The following FILIP1 variants were observed in gnomAD, a reference collection of about 807,000 sequenced individuals.
FILIP1 encodes the protein filamin A interacting protein 1, also known as filamin-A-interacting protein 1.
Under a neutral mutation model 102.1 loss-of-function variants are expected in FILIP1, and 61 were observed. That is an observed-to-expected ratio of 0.60 (90% CI 0.49 to 0.74). The LOEUF is 0.74. Among genes scored for constraint, FILIP1 ranks in the 30% least tolerant of loss-of-function variants. The probability of loss-of-function intolerance (pLI) is 0.00; values close to 1 mark genes in which losing one functional copy is unlikely to be tolerated. For missense variants in FILIP1, 1,314 were observed against 1,441.2 expected, an observed-to-expected ratio of 0.91 and a Z score of 1.43; for synonymous variants, 491 against 526.9, an observed-to-expected ratio of 0.93 and a Z score of 0.93.
intron 1 of FILIP1, among the ~76,000 whole-genome samples, chr6:75,437,258 T>C (rs1269092550): frequency 6.6e-6 from 1 of 152,148 alleles, no homozygotes; most frequent in Non-Finnish European, 1.5e-5. Context: ...CAGAAGGAAA[T>C]AATTTGTCTT....
At chr6:75,458,058 CA>C (rs917226590) in intron 1 of FILIP1, 4 of 152,084 alleles carry the variant, frequency 2.6e-5, no homozygotes, top group Non-Finnish European at 4.4e-5. Context: ...AGACAAAAAA[CA>C]AGCAAGTTTT....
intron 1 of FILIP1, among the ~76,000 whole-genome samples, chr6:75,483,043 T>C (rs1779687921): frequency 6.7e-6 from 1 of 148,236 alleles, no homozygotes; most frequent in African/African-American, 2.4e-5. Context: ...AAAAAAAAAA[T>C]CTGTGCTACA....
intron 4 of FILIP1, among the ~76,000 whole-genome samples, chr6:75,320,307 A>G (rs1390490762): frequency 1.3e-5 from 2 of 152,228 alleles, no homozygotes; most frequent in African/African-American, 4.8e-5. Flanking sequence ...CTGTAATCCC[A>G]GCACTTTGGG....
intron 2 of FILIP1, among the ~76,000 whole-genome samples, chr6:75,392,193 T>C (rs559116026): frequency 6.6e-6 from 1 of 152,282 alleles, no homozygotes; most frequent in African/African-American, 2.4e-5. Context: ...ACCCAGGGCT[T>C]AGTCCTTGGA....
intron 4 of FILIP1, among the ~76,000 whole-genome samples, chr6:75,329,937 T>G (rs887944342): frequency 7.9e-5 from 12 of 152,090 alleles, no homozygotes; most frequent in Non-Finnish European, 1.5e-4. Context: ...TTATAGAATG[T>G]TACTTCTGAA....
At chr6:75,479,792 C>G (rs1779596795) in intron 1 of FILIP1, among the ~76,000 whole-genome samples, 1 of 137,984 alleles carries the variant, frequency 7.2e-6, no homozygotes, top group South Asian at 2.3e-4. Flanking sequence ...TCGCTTGAAT[C>G]CAGGAGGCAG....
chr6:75,457,768 T>A (rs1407034485), intron 1 of FILIP1, among the ~76,000 whole-genome samples: 4 of 152,200 alleles, frequency 2.6e-5, no homozygotes, highest in Non-Finnish European at 5.9e-5. Flanking sequence ...AAAATATTCT[T>A]TTTTGAATAG....
intron 4 of FILIP1, among the ~76,000 whole-genome samples, chr6:75,339,446 C>T (rs1028837364): frequency 1.3e-5 from 2 of 152,138 alleles, no homozygotes. Context: ...TGTATCTGGA[C>T]TCTGCTAAAT....
chr6:75,325,909 A>T (rs1395208844), intron 4 of FILIP1, among the ~76,000 whole-genome samples: 1 of 152,216 alleles, frequency 6.6e-6, no homozygotes, highest in Admixed American at 6.5e-5. Flanking sequence ...ACTATTGGGG[A>T]TCTACCCAGG....
chr6:75,365,527 C>G (rs1254994376), intron 2 of FILIP1, among the ~76,000 whole-genome samples: 1 of 152,202 alleles, frequency 6.6e-6, no homozygotes, highest in Non-Finnish European at 1.5e-5. Flanking sequence ...GCTGGGACTA[C>G]AGGCACATGC....
chr6:75,431,155 T>C (rs1777810266), intron 1 of FILIP1, among the ~76,000 whole-genome samples: 1 of 152,136 alleles, frequency 6.6e-6, no homozygotes, highest in African/African-American at 2.4e-5. Flanking sequence ...GGTAACTAAA[T>C]ACTGAGCATG....
chr6:75,411,884 G>C (rs1777083345), intron 2 of FILIP1, among the ~76,000 whole-genome samples: 1 of 152,152 alleles, frequency 6.6e-6, no homozygotes, highest in Non-Finnish European at 1.5e-5. Context: ...GCTTAGGATT[G>C]TCTTGGCTAT....
At chr6:75,378,131 A>G (rs543257898) in intron 2 of FILIP1, among the ~76,000 whole-genome samples, 1 of 152,310 alleles carries the variant, frequency 6.6e-6, no homozygotes, top group African/African-American at 2.4e-5. Flanking sequence ...ATCTTATTTT[A>G]TAAAAACTGT....
chr6:75,376,395 T>C (rs899508477), intron 2 of FILIP1, among the ~76,000 whole-genome samples: 1 of 152,170 alleles, frequency 6.6e-6, no homozygotes, highest in African/African-American at 2.4e-5. Flanking sequence ...TTTCATGGGC[T>C]AATGTATACA....
intron 4 of FILIP1, among the ~76,000 whole-genome samples, chr6:75,349,416 TCA>T (rs1774707798): frequency 6.6e-6 from 1 of 151,670 alleles, no homozygotes; most frequent in African/African-American, 2.4e-5. Flanking sequence ...CTGCAGAGTC[TCA>T]CCACCGGCGG....
intron 4 of FILIP1, among the ~76,000 whole-genome samples, chr6:75,327,666 T>C (rs1001672428): frequency 6.6e-6 from 1 of 151,488 alleles, no homozygotes; most frequent in Admixed American, 6.6e-5. Flanking sequence ...AACTAGTTTG[T>C]TTTTCCTATA....
In FILIP1 at chr6:75,315,083, A is replaced by C; in HGVS notation, c.749T>G (p.Leu250Arg). The change falls in exon 5 of 6, where the codon CTG becomes CGG. Residue 250 changes from leucine (L) to arginine (R), a missense_variant. Physicochemically the swap from Leu to Arg is moderately radical, Grantham distance 102 (BLOSUM62 -2). Transcript: ENST00000237172. ...AATGTGCATTTGTCTTTCATCCACC[A>C]GCATGAGTGCAAAGGATTTGAGTTT... ...LVKLKSFALMLVDERQMHIEQ... is the reference protein window; with the variant it reads ...LVKLKSFALMRVDERQMHIEQ... 6.2e-7 allele frequency: 1 copy of C among 1,614,156 alleles called. No individual in the cohort carries two copies. The highest frequency in any genetic ancestry group is 1.1e-5 in the South Asian group (1 of 91,066).
downstream of FILIP1, among the ~76,000 whole-genome samples, chr6:75,304,104 T>C (rs1448734566): frequency 3.9e-5 from 6 of 152,152 alleles, no homozygotes; most frequent in African/African-American, 1.4e-4. Context: ...ACCAAGCAGA[T>C]GAAAAATTAA....
intron 1 of FILIP1, among the ~76,000 whole-genome samples, chr6:75,485,992 C>CAT (rs1779776462): frequency 1.4e-5 from 2 of 138,406 alleles, no homozygotes; most frequent in African/African-American, 3.1e-5. Context: ...CACACACACA[C>CAT]ACACATACAC....
Sources: gnomAD v4.1 joint callset for allele counts (sites outside exome capture counted in the v4.1 genomes callset) on GRCh38, gnomAD v4.1.1 for gene constraint, MANE v1.5 for transcripts, NCBI Gene and HGNC (gene_info 2026-07-23, HGNC 2026-07-21) for gene names.